The following VWF variants were observed in gnomAD, a reference collection of about 807,000 sequenced individuals.
The protein encoded by VWF is von Willebrand factor, also known as Factor VIII related antigen.
A neutral mutation model predicts 308.6 loss-of-function variants in VWF; 176 were observed. The ratio of observed to expected loss-of-function variants is 0.57; its 90% CI spans 0.50 to 0.65. VWF has a LOEUF of 0.65. Ranked by LOEUF, VWF falls within the 30% of genes least tolerant of loss-of-function variation. VWF has a pLI of 0.00. For synonymous variants in VWF, 1,385 were observed against 1,443.4 expected, an observed-to-expected ratio of 0.96 and a Z score of 0.92; for missense variants, 3,146 against 3,648.2, an observed-to-expected ratio of 0.86 and a Z score of 3.55.
chr12:6,041,131 A>G (rs1944391717), intron 18 of VWF, among the ~76,000 whole-genome samples: 1 of 152,140 alleles, frequency 6.6e-6, no homozygotes, highest in African/African-American at 2.4e-5. Context: ...AAAAAAAGGA[A>G]AGAAAACATT....
At position 5,983,131 on chromosome 12, in the gene VWF, T is replaced by C. The variant is rs1183910550; in HGVS notation, c.7081+19A>G. On this transcript the variant is annotated intron_variant, in intron 41 of 51. Coordinates refer to ENST00000261405, the MANE Select transcript of VWF (RefSeq NM_000552.5). ...CAGAGAGAGGCCACACCACCCCTCC[T>C]CATCCACAGAGGCCTTACCGCAGGT... The C allele has an allele frequency of 6.2e-7, 1 of 1,611,236 alleles. No homozygotes were observed. The highest frequency in any genetic ancestry group is 1.3e-5 in the African/African-American group (1 of 74,942).
intron 3 of VWF, among the ~76,000 whole-genome samples, chr12:6,113,826 C>T (rs1363001497): frequency 6.6e-6 from 1 of 152,252 alleles, no homozygotes; most frequent in Admixed American, 6.5e-5. Flanking sequence ...CCTCCCTCGG[C>T]CTTTTCTGGG....
intron 38 of VWF, 30 bp downstream of exon 38, chr12:5,991,789 C>A (rs1315825332): frequency 6.2e-7 from 1 of 1,610,988 alleles, no homozygotes; most frequent in Non-Finnish European, 8.5e-7. Flanking sequence ...GGAAGCAGCC[C>A]CATGGGAAGT....
chr12:6,007,765 G>T (rs1943945626), intron 34 of VWF, among the ~76,000 whole-genome samples: 4 of 151,994 alleles, frequency 2.6e-5, no homozygotes. Context: ...CTTAGAATTG[G>T]TTTTTTAAAG....
At chr12:6,067,562 C>T (rs577974729) in intron 10 of VWF, among the ~76,000 whole-genome samples, 1 of 152,152 alleles carries the variant, frequency 6.6e-6, no homozygotes, top group Admixed American at 6.5e-5. Flanking sequence ...CTTATCTCCT[C>T]GGTACAACTG....
intron 38 of VWF, among the ~76,000 whole-genome samples, chr12:5,986,023 T>C (rs1943676766): frequency 6.6e-6 from 1 of 152,210 alleles, no homozygotes; most frequent in Admixed American, 6.5e-5. Flanking sequence ...AAAAAATCCA[T>C]TTATTTCTGA....
In VWF at chr12:6,044,411, C is replaced by A. The variant is rs1367891120; in HGVS notation, c.2322G>T (p.Leu774=). ...SLSCRPPMVK[L]VCPADNLRAE... ...CCCGCAGGTTGTCAGCGGGACACAC[C>A]AGCTTGACCATGGGGGGCCGACAGG... The change falls in exon 18 of 52, where the codon CTG becomes CTT. Residue 774 remains leucine, a synonymous_variant. Coordinates refer to ENST00000261405, the MANE Select transcript of VWF (RefSeq NM_000552.5). 6.2e-7 allele frequency: 1 copy of A among 1,614,206 alleles called. No individual in the cohort carries two copies. The highest frequency in any genetic ancestry group is 8.5e-7 in the Non-Finnish European group (1 of 1,180,034).
intron 6 of VWF, among the ~76,000 whole-genome samples, chr12:6,079,731 C>T (rs1022054133): frequency 4.6e-5 from 7 of 152,094 alleles, no homozygotes; most frequent in Non-Finnish European, 8.8e-5. Flanking sequence ...AGCAGTGTGG[C>T]CTCTGGGTCT....
intron 34 of VWF, among the ~76,000 whole-genome samples, chr12:5,999,471 TACACACACAC>T (rs3062521): frequency 1.0e-4 from 15 of 143,658 alleles, no homozygotes; most frequent in Middle Eastern, 3.6e-3. Context: ...TGTACACACA[TACACACACAC>T]ACACACACAC....
chr12:5,982,435 G>A (rs541578830), intron 41 of VWF, among the ~76,000 whole-genome samples: 15 of 152,210 alleles, frequency 9.9e-5, no homozygotes, highest in African/African-American at 3.1e-4. Context: ...CTTTAGGTCC[G>A]CCAGCAATCA....
At chr12:6,122,870 C>T (rs1282558620) in intron 2 of VWF, 2 of 728,694 alleles carry the variant, frequency 2.7e-6, no homozygotes, top group Admixed American at 1.7e-5. Flanking sequence ...GGATTCCTTC[C>T]TCCTCATCCT....
At chr12:6,084,406 C>A (rs1287026720) in intron 6 of VWF, among the ~76,000 whole-genome samples, 1 of 152,184 alleles carries the variant, frequency 6.6e-6, no homozygotes, top group Non-Finnish European at 1.5e-5. Flanking sequence ...CTGCCCCAGC[C>A]CATCCAGCCA....
intron 3 of VWF, among the ~76,000 whole-genome samples, chr12:6,115,414 A>C (rs1308871617): frequency 2.0e-5 from 3 of 152,188 alleles, no homozygotes; most frequent in Non-Finnish European, 4.4e-5. Flanking sequence ...GAAGAATCTA[A>C]ATAAGCGGCT....
chr12:6,113,386 C>A (rs935528800), intron 3 of VWF, among the ~76,000 whole-genome samples: 1 of 151,724 alleles, frequency 6.6e-6, no homozygotes, highest in Admixed American at 6.6e-5. Flanking sequence ...CAAGCTCCGC[C>A]TCCCGGGTTC....
chr12:6,016,286 C>T (rs1944056429), intron 30 of VWF, 54 bp from the exon 31 acceptor site: 1 of 1,613,376 alleles, frequency 6.2e-7, no homozygotes, highest in South Asian at 1.1e-5. Context: ...GCTCGACACC[C>T]TGTCTTAACG....
In VWF at chr12:6,072,342, G is replaced by C. The variant is rs745805859; in HGVS notation, c.1098C>G (p.Asp366Glu). 6.2e-7 allele frequency: 1 copy of C among 1,613,944 alleles called. No homozygotes were observed. The highest frequency in any genetic ancestry group is 8.5e-7 in the Non-Finnish European group (1 of 1,180,022). The change falls in exon 9 of 52, where the codon GAC becomes GAG. Residue 366 changes from aspartate to glutamate, a missense_variant. Physicochemically the swap from Asp to Glu is conservative, Grantham distance 45. Transcript: ENST00000261405. Reference protein sequence around the residue: ...RYPPGTSLSRDCNTCICRNSQ... With the variant: ...RYPPGTSLSRECNTCICRNSQ... ...GCAGCCCCCATTACCAGGTGTTGCAGTCTCGAGAGAGGGAGGTGCCGGGAG... is the reference window on the plus strand; with the variant it reads ...GCAGCCCCCATTACCAGGTGTTGCACTCTCGAGAGAGGGAGGTGCCGGGAG...
At chr12:6,036,197 G>A (rs1944334626) in intron 19 of VWF, among the ~76,000 whole-genome samples, 191 bp downstream of exon 19, 1 of 152,210 alleles carries the variant, frequency 6.6e-6, no homozygotes, top group Non-Finnish European at 1.5e-5. Context: ...TGTCTATGCA[G>A]GATGGACACA....
rs79410847 is a variant in VWF, at chr12:6,122,630, C to T, written c.55+512G>A. 782 of 401,938 alleles carry T rather than the reference C, an allele frequency of 1.9e-3. 5 individuals carry two copies. Among genetic ancestry groups the T allele is most frequent in the African/African-American group, 0.014 (656 of 48,290 alleles). The allele number at this position is 401,938 out of a possible 1,614,324, so 24.9% of individuals were successfully genotyped here. A position where few individuals can be genotyped will look rare whatever the true frequency, so the allele number is the denominator to read the frequency against. On this transcript the variant is annotated intron_variant, in intron 2 of 51. Transcript: ENST00000261405. The stretch of plus-strand genomic sequence containing the variant: ...GCGCCCAAGGTCAAAAGTCCCCTCC[C>T]GCCATTTGCAGACCCAGAATCTTAG...
intron 6 of VWF, among the ~76,000 whole-genome samples, chr12:6,089,911 T>TC (rs1945012049): frequency 6.6e-6 from 1 of 151,776 alleles, no homozygotes; most frequent in Non-Finnish European, 1.5e-5. Context: ...ACAGCACAAC[T>TC]GTATGTTTGG....
Sources: gnomAD v4.1 joint callset for allele counts (sites outside exome capture counted in the v4.1 genomes callset) on GRCh38, gnomAD v4.1.1 for gene constraint, MANE v1.5 for transcripts, NCBI Gene and HGNC (gene_info 2026-07-23, HGNC 2026-07-21) for gene names.